The following SHANK2 variants were observed in gnomAD, a reference collection of about 807,000 sequenced individuals.
The protein encoded by SHANK2 is SH3 and multiple ankyrin repeat domains protein 2.
SHANK2 carries 43 observed loss-of-function variants against 133.7 expected under a neutral mutation model. The observed-to-expected ratio is 0.32, with a 90% CI of 0.25 to 0.41. SHANK2 has a LOEUF of 0.41. SHANK2 is among the 10% of genes least tolerant of loss of function. SHANK2 has a pLI of 1.00. For missense variants in SHANK2, 1,994 were observed against 2,235.8 expected, an observed-to-expected ratio of 0.89 and a Z score of 2.18; for synonymous variants, 1,017 against 952.8, an observed-to-expected ratio of 1.07 and a Z score of -1.24.
At chr11:71,160,436 C>T (rs1305481393) in intron 2 of SHANK2, among the ~76,000 whole-genome samples, 1 of 152,082 alleles carries the variant, frequency 6.6e-6, no homozygotes, top group Non-Finnish European at 1.5e-5. Context: ...GACTAGCATC[C>T]CTATAAAGAA....
chr11:70,530,637 G>A (rs1445891740), intron 17 of SHANK2, among the ~76,000 whole-genome samples: 1 of 152,164 alleles, frequency 6.6e-6, no homozygotes, highest in Non-Finnish European at 1.5e-5. Context: ...AGACACAGAA[G>A]GACTAATACT....
At chr11:70,609,516 C>T (rs1426007958) in intron 17 of SHANK2, among the ~76,000 whole-genome samples, 1 of 152,156 alleles carries the variant, frequency 6.6e-6, no homozygotes, top group African/African-American at 2.4e-5. Flanking sequence ...CTCGGAGCAG[C>T]CCCATCCGTG....
At chr11:70,590,814 T>G (rs1472015381) in intron 17 of SHANK2, among the ~76,000 whole-genome samples, 2 of 151,982 alleles carry the variant, frequency 1.3e-5, no homozygotes, top group African/African-American at 4.8e-5. Flanking sequence ...TGGTATTTGC[T>G]TTCCTGTGGT....
chr11:70,919,217 C>T (rs1028145128), intron 10 of SHANK2, among the ~76,000 whole-genome samples: 15 of 152,100 alleles, frequency 9.9e-5, no homozygotes, highest in African/African-American at 3.4e-4. Context: ...TGTGCAATGG[C>T]TAAATCGAGC....
chr11:70,668,781 CAG>C (rs1944732443), intron 15 of SHANK2: 1 of 152,332 alleles, frequency 6.6e-6, no homozygotes, highest in Non-Finnish European at 1.5e-5. Flanking sequence ...ACATTCCAGA[CAG>C]AGTGGGGTTG....
intron 10 of SHANK2, chr11:70,907,945 A>G: frequency 2.2e-6 from 1 of 450,194 alleles, no homozygotes; most frequent in Non-Finnish European, 4.5e-6. Flanking sequence ...CACCAAAAAT[A>G]CAAAAACTAG....
At chr11:70,510,534 G>A (rs2059191180) in intron 17 of SHANK2, among the ~76,000 whole-genome samples, 1 of 152,158 alleles carries the variant, frequency 6.6e-6, no homozygotes, top group Admixed American at 6.5e-5. Flanking sequence ...CTCTGCCAGC[G>A]CCACCACCCC....
intron 20 of SHANK2, among the ~76,000 whole-genome samples, chr11:70,501,118 G>C (rs551433199): frequency 2.0e-5 from 3 of 152,340 alleles, no homozygotes; most frequent in African/African-American, 7.2e-5. Context: ...TCGCCTGTGA[G>C]GCTGGGGCAC....
chr11:70,517,956 T>C (rs184070676), intron 17 of SHANK2, among the ~76,000 whole-genome samples: 1 of 152,248 alleles, frequency 6.6e-6, no homozygotes, highest in African/African-American at 2.4e-5. Flanking sequence ...CAGGGAGAGA[T>C]ATAAGGGGGT....
intron 2 of SHANK2, among the ~76,000 whole-genome samples, chr11:71,222,706 G>A (rs1555121449): frequency 6.6e-6 from 1 of 152,238 alleles, no homozygotes; most frequent in African/African-American, 2.4e-5. Context: ...AGCCTGCAGG[G>A]ACACGTGCTC....
chr11:70,732,813 C>T (rs1946317928), intron 14 of SHANK2, among the ~76,000 whole-genome samples: 1 of 152,250 alleles, frequency 6.6e-6, no homozygotes, highest in Non-Finnish European at 1.5e-5. Context: ...AGCCCTGCAG[C>T]TGCTTCACAT....
intron 15 of SHANK2, among the ~76,000 whole-genome samples, chr11:70,695,557 CA>C (rs1945374767): frequency 6.6e-6 from 1 of 152,194 alleles, no homozygotes. Context: ...TCCCTCAACC[CA>C]GGCTGGCTTT....
chr11:70,859,263 T>C (rs1949219373), intron 11 of SHANK2, among the ~76,000 whole-genome samples: 2 of 151,534 alleles, frequency 1.3e-5, no homozygotes, highest in South Asian at 4.2e-4. Flanking sequence ...GGATAGTGGA[T>C]GAATGAATAA....
intron 17 of SHANK2, among the ~76,000 whole-genome samples, chr11:70,653,983 T>C (rs2061372558): frequency 6.6e-6 from 1 of 152,212 alleles, no homozygotes; most frequent in Non-Finnish European, 1.5e-5. Context: ...GCATCCCTCT[T>C]AGCATCCTGA....
At chr11:70,916,983 T>C (rs560236559) in intron 10 of SHANK2, among the ~76,000 whole-genome samples, 3 of 152,188 alleles carry the variant, frequency 2.0e-5, no homozygotes, top group Admixed American at 6.5e-5. Flanking sequence ...ATGCTTTGCT[T>C]AATTTTTATT....
intron 2 of SHANK2, among the ~76,000 whole-genome samples, chr11:71,198,922 G>A (rs558742945): frequency 6.6e-6 from 1 of 152,130 alleles, no homozygotes; most frequent in African/African-American, 2.4e-5. Context: ...TGTGATGCTC[G>A]GCCCAGCATC....
intron 14 of SHANK2, among the ~76,000 whole-genome samples, chr11:70,786,733 G>C (rs376999718): frequency 2.6e-5 from 4 of 152,090 alleles, no homozygotes; most frequent in East Asian, 3.9e-4. Flanking sequence ...CAAAGGGAAG[G>C]CTGCACAGGG....
At chr11:70,760,695 TG>T in intron 14 of SHANK2, among the ~76,000 whole-genome samples, 1 of 152,294 alleles carries the variant, frequency 6.6e-6, no homozygotes, top group South Asian at 2.1e-4. Flanking sequence ...GAAGGCCCCA[TG>T]GTGGCTGCTC....
chr11:70,851,164 C>T (rs1364997761), intron 11 of SHANK2, among the ~76,000 whole-genome samples: 1 of 143,220 alleles, frequency 7.0e-6, no homozygotes, highest in African/African-American at 2.6e-5. Flanking sequence ...CTCTCAGATC[C>T]AAATACCAGA....
Sources: allele counts gnomAD v4.1 joint callset (sites outside exome capture counted in the v4.1 genomes callset), GRCh38; gene constraint gnomAD v4.1.1; transcripts MANE v1.5; gene names NCBI Gene and HGNC (gene_info 2026-07-23, HGNC 2026-07-21).